The following RUNDC3B variants were observed in gnomAD, a reference collection of about 807,000 sequenced individuals.
RUNDC3B encodes RUN domain containing 3B.
RUNDC3B carries 33 observed loss-of-function variants against 58.4 expected under a neutral mutation model. That is an observed-to-expected ratio of 0.56 (90% CI 0.43 to 0.75). RUNDC3B has a LOEUF of 0.75. RUNDC3B is among the 30% of genes least tolerant of loss of function. RUNDC3B has a pLI of 0.00. For synonymous variants in RUNDC3B, 193 were observed against 195.2 expected (o/e 0.99, Z 0.10); for missense variants, 501 against 535.7 (o/e 0.94, Z 0.64).
At chr7:87,714,769 C>A (rs891463498) in intron 4 of RUNDC3B, among the ~76,000 whole-genome samples, 3 of 151,960 alleles carry the variant, frequency 2.0e-5, no homozygotes, top group Admixed American at 2.0e-4. Context: ...GGACAGGCAC[C>A]CCCCCGCCCC....
At position 87,777,939 on chromosome 7, in the gene RUNDC3B, G is replaced by A. The variant is rs754781409; in HGVS notation, c.940G>A (p.Glu314Lys). 9 of 1,612,578 alleles carry A rather than the reference G, an allele frequency of 5.6e-6. No homozygotes were observed. Among genetic ancestry groups the A allele is most frequent in the Non-Finnish European group, 7.6e-6 (9 of 1,179,284 alleles). ...EKEQLEYIIV[E>K]LQDQLTVLKN... The stretch of plus-strand genomic sequence containing the variant: ...GGAACAATTAGAATATATAATTGTG[G>A]AGCTTCAAGATCAGCTGTAAGTACA... Residue 314 changes from glutamate (E) to lysine (K), a missense_variant, in exon 8 of 11, where the codon GAG becomes AAG. Glu to Lys is a moderately conservative substitution (Grantham distance 56). Coordinates refer to ENST00000394654, the MANE Select transcript of RUNDC3B (RefSeq NM_001134405.2).
At chr7:87,714,294 C>G (rs1830348273) in intron 4 of RUNDC3B, among the ~76,000 whole-genome samples, 1 of 152,022 alleles carries the variant, frequency 6.6e-6, no homozygotes, top group Non-Finnish European at 1.5e-5. Context: ...CCTTCTGGTC[C>G]CACGGTGCCA....
At chr7:87,798,652 T>C (rs1303283832) in intron 8 of RUNDC3B, among the ~76,000 whole-genome samples, 1 of 152,214 alleles carries the variant, frequency 6.6e-6, no homozygotes, top group Non-Finnish European at 1.5e-5. Flanking sequence ...GGGTTTATTT[T>C]ACATTTTAAA....
chr7:87,637,478 G>T (rs1055495556), intron 1 of RUNDC3B, among the ~76,000 whole-genome samples: 9 of 152,040 alleles, frequency 5.9e-5, no homozygotes, highest in Non-Finnish European at 1.3e-4. Context: ...TATTAAGCTT[G>T]CACTGGTACT....
At chr7:87,723,507 C>T (rs1014077733) in intron 4 of RUNDC3B, among the ~76,000 whole-genome samples, 1 of 152,082 alleles carries the variant, frequency 6.6e-6, no homozygotes, top group African/African-American at 2.4e-5. Flanking sequence ...TGCAAATGTT[C>T]ACAGCCTACA....
intron 6 of RUNDC3B, among the ~76,000 whole-genome samples, chr7:87,751,402 T>C (rs1475020138): frequency 6.6e-6 from 1 of 152,220 alleles, no homozygotes; most frequent in East Asian, 1.9e-4. Context: ...AGTAGTTTTT[T>C]CCAATTCTGT....
chr7:87,691,624 G>T (rs1828022901), intron 2 of RUNDC3B, among the ~76,000 whole-genome samples: 1 of 152,022 alleles, frequency 6.6e-6, no homozygotes, highest in African/African-American at 2.4e-5. Flanking sequence ...TTTGTCATAC[G>T]CTTGTTTATT....
chr7:87,687,635 A>G (rs1219419307), intron 2 of RUNDC3B, among the ~76,000 whole-genome samples: 1 of 152,184 alleles, frequency 6.6e-6, no homozygotes, highest in Non-Finnish European at 1.5e-5. Flanking sequence ...TTATTTGTTG[A>G]AAAATTGATG....
rs140928571 is a variant in RUNDC3B, at chr7:87,823,823, C to CAT, written c.1226-6052_1226-6051dup. On this transcript the variant is annotated intron_variant, in intron 10 of 10. Coordinates refer to ENST00000394654, the MANE Select transcript of RUNDC3B (RefSeq NM_001134405.2). The stretch of plus-strand genomic sequence containing the variant: ...ACACACACACACACACACACACACA[C>CAT]ATATATATATACACACTCACCTACA... Among the ~76,000 whole-genome samples the CAT allele has an allele frequency of 5.3e-3, 781 of 146,878 alleles. 7 individuals carry two copies. The highest frequency in any genetic ancestry group is 0.031 in the East Asian group (153 of 4,992).
In RUNDC3B at chr7:87,736,855, CTATATATATATATATA is replaced by C. The variant is rs1554479935; in HGVS notation, c.459-2916_459-2901del. On this transcript the variant is annotated intron_variant, in intron 4 of 10. Transcript: ENST00000394654. Reference sequence around the variant, plus strand: ...TATATGTATGTGTGTATATATATACCTATATATATATATATATATATATATATATATATATTTTTTT... The same window carrying C: ...TATATGTATGTGTGTATATATATACCTATATATATATATATATATTTTTTT... 5.8e-3 allele frequency among the ~76,000 whole-genome samples: 209 copies of C among 36,214 alleles called. 2 individuals are homozygous for C. The highest frequency in any genetic ancestry group is 0.017 in the African/African-American group (176 of 10,360). 23.8% of individuals were successfully genotyped at this position (36,214 alleles called of 152,430 possible).
intron 4 of RUNDC3B, chr7:87,713,378 C>A (rs1583972288): frequency 6.6e-6 from 1 of 152,066 alleles, no homozygotes; most frequent in African/African-American, 2.4e-5. Context: ...CTTGAAAGCA[C>A]TAATCAGTGA....
chr7:87,648,640 C>T (rs1247715342), intron 1 of RUNDC3B, among the ~76,000 whole-genome samples: 2 of 152,006 alleles, frequency 1.3e-5, no homozygotes, highest in African/African-American at 4.8e-5. Context: ...AAGTAAAACA[C>T]TTGAATTCTC....
intron 1 of RUNDC3B, among the ~76,000 whole-genome samples, chr7:87,646,489 T>TATC (rs1215663673): frequency 3.3e-5 from 5 of 152,200 alleles, no homozygotes; most frequent in Non-Finnish European, 7.4e-5. Context: ...GATGCATTAC[T>TATC]ATCTTAAATG....
At chr7:87,747,871 G>A (rs1276720194) in intron 6 of RUNDC3B, among the ~76,000 whole-genome samples, 2 of 152,134 alleles carry the variant, frequency 1.3e-5, no homozygotes, top group Non-Finnish European at 1.5e-5. Context: ...CAGGCAGAGG[G>A]TGAGACAGGC....
chr7:87,670,136 A>G (rs1478242496), intron 2 of RUNDC3B, among the ~76,000 whole-genome samples: 3 of 152,082 alleles, frequency 2.0e-5, no homozygotes, highest in Non-Finnish European at 4.4e-5. Context: ...TCTTTACATG[A>G]TCCAATACTT....
At chr7:87,691,570 C>T (rs547161216) in intron 2 of RUNDC3B, among the ~76,000 whole-genome samples, 1 of 152,002 alleles carries the variant, frequency 6.6e-6, no homozygotes, top group Non-Finnish European at 1.5e-5. Context: ...AAATAAGAAC[C>T]CCTTCTACAA....
chr7:87,773,648 T>TTTGTC (rs1264757700), intron 7 of RUNDC3B, among the ~76,000 whole-genome samples: 24 of 128,628 alleles, frequency 1.9e-4, no homozygotes, highest in East Asian at 2.2e-4. Flanking sequence ...TTGTTTTGTT[T>TTTGTC]TTGTCTTGTC....
At chr7:87,703,152 A>G (rs531001828) in intron 3 of RUNDC3B, among the ~76,000 whole-genome samples, 1 of 152,162 alleles carries the variant, frequency 6.6e-6, no homozygotes, top group Non-Finnish European at 1.5e-5. Context: ...ACGATTATAG[A>G]ATTATAAATT....
At chr7:87,706,230 T>C (rs527345352) in intron 3 of RUNDC3B, among the ~76,000 whole-genome samples, 1 of 152,256 alleles carries the variant, frequency 6.6e-6, no homozygotes, top group Admixed American at 6.5e-5. Flanking sequence ...ATACAAGATA[T>C]GGCCATGATT....
Sources: allele counts gnomAD v4.1 joint callset (sites outside exome capture counted in the v4.1 genomes callset), GRCh38; gene constraint gnomAD v4.1.1; transcripts MANE v1.5; gene names NCBI Gene and HGNC (gene_info 2026-07-23, HGNC 2026-07-21).